NALCN: variants seen among roughly 807,000 people sequenced by gnomAD.
The protein encoded by NALCN is sodium leak channel, non-selective, also known as sodium leak channel NALCN.
In NALCN, 111 loss-of-function variants were observed where a neutral mutation model predicts 225.3. The observed-to-expected ratio is 0.49, with a 90% CI of 0.42 to 0.58. The LOEUF is 0.58. Ranked by LOEUF, NALCN falls within the 20% of genes least tolerant of loss-of-function variation. NALCN has a pLI of 0.00. For missense variants in NALCN, 1,378 were observed against 2,202.4 expected, an observed-to-expected ratio of 0.63 and a Z score of 7.49; for synonymous variants, 764 against 769.0, an observed-to-expected ratio of 0.99 and a Z score of 0.11.
chr13:101,067,181 T>G (rs1273653120), intron 39 of NALCN, among the ~76,000 whole-genome samples: 1 of 126,960 alleles, frequency 7.9e-6, no homozygotes, highest in Non-Finnish European at 1.7e-5. Context: ...CAGGAGGAAG[T>G]GGAGAAGGAG....
chr13:101,081,881 T>C (rs1003380082), intron 33 of NALCN, among the ~76,000 whole-genome samples: 3 of 152,112 alleles, frequency 2.0e-5, no homozygotes, highest in African/African-American at 7.2e-5. Flanking sequence ...GTCTATTTAT[T>C]TATTATTATT....
intron 32 of NALCN, 47 bp from the exon 33 acceptor site, chr13:101,082,930 C>A: frequency 1.2e-6 from 2 of 1,606,770 alleles, no homozygotes; most frequent in Non-Finnish European, 1.7e-6. Context: ...CCATCGGACA[C>A]ATACAGGCTT....
chr13:101,228,444 C>T (rs753271364), intron 13 of NALCN, among the ~76,000 whole-genome samples: 15 of 152,062 alleles, frequency 9.9e-5, no homozygotes, highest in Non-Finnish European at 1.5e-4. Context: ...TGGAAGGGAC[C>T]AGGTGTGAGA....
intron 13 of NALCN, among the ~76,000 whole-genome samples, chr13:101,209,515 A>G (rs2040444717): frequency 6.6e-6 from 1 of 152,146 alleles, no homozygotes. Context: ...ATTTTTAATT[A>G]CTTTAAATTT....
At position 101,242,781 on chromosome 13, in the gene NALCN, A is replaced by G. The variant is rs2041792729; in HGVS notation, c.1267-4859T>C. Among the ~76,000 whole-genome samples the G allele has an allele frequency of 1.9e-5, 2 of 106,110 alleles. 1 individual carries two copies. Among genetic ancestry groups the G allele is most frequent in the Admixed American group, 1.8e-4 (2 of 11,270 alleles). 69.6% of individuals were successfully genotyped at this position (106,110 alleles called of 152,430 possible). On this transcript the variant is annotated intron_variant, in intron 11 of 43. Coordinates refer to ENST00000251127, the MANE Select transcript of NALCN (RefSeq NM_052867.4). ...TTTTATGCTCTCTTAGTCCTTTTGTATATAAAATGCATTTTTAACACTGAC... is the reference window on the plus strand; with the variant it reads ...TTTTATGCTCTCTTAGTCCTTTTGTGTATAAAATGCATTTTTAACACTGAC...
At chr13:101,231,213 T>C (rs1189770556) in intron 12 of NALCN, among the ~76,000 whole-genome samples, 1 of 151,778 alleles carries the variant, frequency 6.6e-6, no homozygotes, top group Non-Finnish European at 1.5e-5. Flanking sequence ...CACACACACA[T>C]CTAAATATAT....
At chr13:101,074,194 C>A (rs753577606) in intron 36 of NALCN, among the ~76,000 whole-genome samples, 1 of 152,064 alleles carries the variant, frequency 6.6e-6, no homozygotes, top group Admixed American at 6.6e-5. Context: ...AATAATATAT[C>A]ATTTTTTGGC....
chr13:101,111,043 G>A, intron 19 of NALCN, 82 bp downstream of exon 19: 2 of 1,403,212 alleles, frequency 1.4e-6, no homozygotes, highest in Admixed American at 1.8e-5. Context: ...AGGGCTGACA[G>A]CCGTGACTGT....
chr13:101,150,375 G>T (rs9513860), intron 15 of NALCN, among the ~76,000 whole-genome samples: 116,886 of 152,140 alleles, frequency 0.77, 45,193 homozygotes, highest in East Asian at 1. Context: ...ATGTATATTA[G>T]AGTTCAGTTA....
At chr13:101,093,216 C>T (rs1371676515) in intron 28 of NALCN, among the ~76,000 whole-genome samples, 2 of 152,156 alleles carry the variant, frequency 1.3e-5, no homozygotes, top group East Asian at 3.8e-4. Flanking sequence ...GAAGAAAGTA[C>T]ATTTATTAAT....
intron 1 of NALCN, among the ~76,000 whole-genome samples, chr13:101,407,047 C>G (rs1269254329): frequency 6.6e-6 from 1 of 152,134 alleles, no homozygotes; most frequent in Non-Finnish European, 1.5e-5. Context: ...AGAGATTGTG[C>G]AAGAGCAATT....
intron 3 of NALCN, among the ~76,000 whole-genome samples, chr13:101,386,398 G>A (rs1207418983): frequency 6.6e-6 from 1 of 152,164 alleles, no homozygotes; most frequent in African/African-American, 2.4e-5. Context: ...TCTGAGGACA[G>A]GAGCTCTGCT....
intron 13 of NALCN, among the ~76,000 whole-genome samples, chr13:101,224,886 A>G (rs149525888): frequency 3.3e-5 from 5 of 152,242 alleles, no homozygotes; most frequent in African/African-American, 1.2e-4. Flanking sequence ...AGGGTCCTTA[A>G]CATCTAACCA....
chr13:101,235,191 C>T (rs1420240198), intron 12 of NALCN, among the ~76,000 whole-genome samples: 2 of 151,936 alleles, frequency 1.3e-5, no homozygotes, highest in African/African-American at 4.8e-5. Context: ...TGGTTAAATT[C>T]GCGTTATGAC....
chr13:101,122,312 T>A (rs1264573883), intron 18 of NALCN, among the ~76,000 whole-genome samples: 2 of 152,226 alleles, frequency 1.3e-5, no homozygotes, highest in South Asian at 2.1e-4. Context: ...TAAGGTTTTT[T>A]ATTTTTTCAA....
At chr13:101,069,500 T>C (rs569221530) in intron 37 of NALCN, among the ~76,000 whole-genome samples, 76 of 152,346 alleles carry the variant, frequency 5.0e-4, no homozygotes, top group African/African-American at 1.7e-3. Context: ...CTTGCCTCAA[T>C]GTTGACAGCT....
At chr13:101,369,701 A>G (rs1393465973) in intron 6 of NALCN, among the ~76,000 whole-genome samples, 1 of 152,122 alleles carries the variant, frequency 6.6e-6, no homozygotes, top group East Asian at 1.9e-4. Flanking sequence ...CTTCATCTCC[A>G]TATTGATTGT....
chr13:101,065,699 C>A (rs1276299937), intron 39 of NALCN, 138 bp from the exon 40 acceptor site: 11 of 1,014,640 alleles, frequency 1.1e-5, no homozygotes, highest in Non-Finnish European at 1.5e-5. Context: ...CTGGTCACCT[C>A]CTTGGAGCCT....
At chr13:101,260,332 T>C (rs1048459969) in intron 10 of NALCN, among the ~76,000 whole-genome samples, 2 of 152,230 alleles carry the variant, frequency 1.3e-5, no homozygotes, top group African/African-American at 2.4e-5. Context: ...GCAGCAAACA[T>C]GGGAGTGAAG....
Sources: allele counts gnomAD v4.1 joint callset (sites outside exome capture counted in the v4.1 genomes callset), GRCh38; gene constraint gnomAD v4.1.1; transcripts MANE v1.5; gene names NCBI Gene and HGNC (gene_info 2026-07-23, HGNC 2026-07-21).